Variants in MAMDC2 observed in about 807,000 individuals in gnomAD.
The protein encoded by MAMDC2 is MAM domain containing 2, also known as MAM domain-containing protein 2.
MAMDC2 carries 57 observed loss-of-function variants against 89.8 expected under a neutral mutation model. The ratio of observed to expected loss-of-function variants is 0.63; its 90% CI spans 0.51 to 0.79. The LOEUF (loss-of-function observed/expected upper bound fraction) is 0.79. Ranked by LOEUF, MAMDC2 falls within the 30% of genes least tolerant of loss-of-function variation. The pLI is 0.00. For synonymous variants in MAMDC2, 313 were observed against 293.4 expected (o/e 1.07, Z -0.68); for missense variants, 800 against 820.6 (o/e 0.97, Z 0.31).
At chr9:70,187,788 T>C (rs1017331726) in intron 11 of MAMDC2, among the ~76,000 whole-genome samples, 3 of 152,210 alleles carry the variant, frequency 2.0e-5, no homozygotes, top group Non-Finnish European at 2.9e-5. Context: ...AATTTATCAA[T>C]TGATGAACAT....
rs77553053 is a variant in MAMDC2, at chr9:70,215,844, G to A, written c.1652-2493G>A. Among the ~76,000 whole-genome samples the A allele has an allele frequency of 1.6e-4, 25 of 152,312 alleles. No homozygotes were observed. In the East Asian group the frequency reaches 4.4e-3, roughly 27 times the overall value. ...AAACACTGGGGGAAGAGGTTGCACA[G>A]TGCACACAATTTATTAAGACCAACG... On this transcript the variant is annotated intron_variant, in intron 11 of 13. Transcript: ENST00000377182.
At chr9:70,044,845 G>A in intron 2 of MAMDC2, 148 bp downstream of exon 2, 1 of 715,018 alleles carries the variant, frequency 1.4e-6, no homozygotes, top group Non-Finnish European at 2.4e-6. Context: ...GCCCTCAGCT[G>A]TGCTGCAAGG....
intron 11 of MAMDC2, among the ~76,000 whole-genome samples, chr9:70,199,895 G>A (rs1162681397): frequency 2.0e-5 from 3 of 151,808 alleles, no homozygotes; most frequent in Admixed American, 2.0e-4. Context: ...TTTTGATGGG[G>A]TTGTTTGTTC....
chr9:70,159,282 A>G lies in MAMDC2; in HGVS notation c.1405-9420A>G, dbSNP rs115929348. On this transcript the variant is annotated intron_variant, in intron 9 of 13. Transcript: ENST00000377182. The stretch of plus-strand genomic sequence containing the variant: ...AGGAAATAATCATGGTTATGCACAA[A>G]GATTTAGCTATAATCGTTCATTCCA... Among the ~76,000 whole-genome samples, 640 of 152,322 alleles carry G rather than the reference A, an allele frequency of 4.2e-3. 3 individuals carry two copies. Among genetic ancestry groups the G allele is most frequent in the African/African-American group, 0.013 (557 of 41,576 alleles).
intron 2 of MAMDC2, among the ~76,000 whole-genome samples, chr9:70,055,778 G>A (rs2118005319): frequency 6.6e-6 from 1 of 152,270 alleles, no homozygotes; most frequent in South Asian, 2.1e-4. Flanking sequence ...GCATAATCTT[G>A]GAAGAGAACT....
At chr9:70,053,657 G>A (rs958087247) in intron 2 of MAMDC2, among the ~76,000 whole-genome samples, 10 of 152,212 alleles carry the variant, frequency 6.6e-5, no homozygotes, top group African/African-American at 2.4e-4. Context: ...GAAGTATAGA[G>A]AGCAATATTT....
At chr9:70,168,654 CCA>C in intron 9 of MAMDC2, 46 bp from the exon 10 acceptor site, 1 of 1,508,146 alleles carries the variant, frequency 6.6e-7, no homozygotes, top group South Asian at 1.1e-5. Flanking sequence ...TTAGGAGTTT[CCA>C]GTTTTCAGTT....
At chr9:70,131,882 C>T (rs1289138157) in intron 7 of MAMDC2, among the ~76,000 whole-genome samples, 1 of 152,134 alleles carries the variant, frequency 6.6e-6, no homozygotes, top group Admixed American at 6.6e-5. Context: ...TTAAATAATA[C>T]TAACTTATTC....
At chr9:70,143,280 G>A (rs532348399) in intron 8 of MAMDC2, among the ~76,000 whole-genome samples, 22 of 152,342 alleles carry the variant, frequency 1.4e-4, no homozygotes, top group African/African-American at 4.8e-4. Flanking sequence ...TTCATGAAAA[G>A]TGTAAATCCT....
At chr9:70,107,855 G>A (rs985149077) in intron 2 of MAMDC2, among the ~76,000 whole-genome samples, 13 of 152,202 alleles carry the variant, frequency 8.5e-5, no homozygotes, top group African/African-American at 2.9e-4. Flanking sequence ...GGGGACCAGG[G>A]AGATGAATGC....
At chr9:70,139,107 T>G (rs915932797) in intron 7 of MAMDC2, among the ~76,000 whole-genome samples, 1 of 151,704 alleles carries the variant, frequency 6.6e-6, no homozygotes, top group Non-Finnish European at 1.5e-5. Flanking sequence ...ACAGGAAATT[T>G]CTTTTTATTT....
At chr9:70,202,340 C>G (rs1174602647) in intron 11 of MAMDC2, among the ~76,000 whole-genome samples, 2 of 152,114 alleles carry the variant, frequency 1.3e-5, no homozygotes, top group African/African-American at 4.8e-5. Context: ...GCAGGCTGTT[C>G]AGTTTCCATG....
In MAMDC2 at chr9:70,063,509, T is replaced by C. The variant is rs551700620; in HGVS notation, c.148+18812T>C. ...GCGCATAGTAGATGCTTGGGAAATA[T>C]GTATTTAATAAGTAAATAAAAGAAA... On this transcript the variant is annotated intron_variant, in intron 2 of 13. Coordinates refer to ENST00000377182, the MANE Select transcript of MAMDC2 (RefSeq NM_153267.5). Among the ~76,000 whole-genome samples the C allele has an allele frequency of 5.3e-5, 8 of 152,298 alleles. No homozygotes were observed. In the South Asian group the frequency reaches 1.2e-3, roughly 24 times the overall value.
rs529400213 is a variant in MAMDC2 at position 70,191,649 on chromosome 9, C to T, written c.1651+21018C>T. 2.0e-5 allele frequency among the ~76,000 whole-genome samples: 3 copies of T among 152,154 alleles called. No individual in the cohort carries two copies. In the South Asian group the frequency reaches 6.2e-4, roughly 32 times the overall value. On this transcript the variant is annotated intron_variant, in intron 11 of 13. Coordinates refer to ENST00000377182, the MANE Select transcript of MAMDC2 (RefSeq NM_153267.5). Reference sequence around the variant, plus strand: ...TAGAATAGAGCAAGTCACCTCAGTCCAATCAGAACTAAGCTAACCTGAGGT... The same window carrying T: ...TAGAATAGAGCAAGTCACCTCAGTCTAATCAGAACTAAGCTAACCTGAGGT...
intron 11 of MAMDC2, chr9:70,170,953 C>A (rs769353777): frequency 1.1e-5 from 3 of 277,366 alleles, no homozygotes; most frequent in Non-Finnish European, 2.0e-5. Flanking sequence ...GGAGCCAGGG[C>A]CGAGGCCTAA....
chr9:70,067,446 C>T (rs919736600), intron 2 of MAMDC2, among the ~76,000 whole-genome samples: 6 of 152,194 alleles, frequency 3.9e-5, no homozygotes, highest in Admixed American at 2.6e-4. Flanking sequence ...AGTAGATTTC[C>T]GGGCAGCTAC....
rs1353523418 is a variant in MAMDC2 at position 70,199,976 on chromosome 9, G to A, written c.1652-18361G>A. Among the ~76,000 whole-genome samples the A allele has an allele frequency of 8.5e-5, 13 of 152,252 alleles. No individual in the cohort carries two copies. The East Asian group carries it at 1.5e-3, about 18-fold the overall frequency. ...GCCTTTTGTCAGATGAGTGGGTTGC[G>A]AAAATTTTCTCCCATTTTGTAGGTT... is the stretch of plus-strand genomic sequence containing the variant. On this transcript the variant is annotated intron_variant, in intron 11 of 13. Coordinates refer to ENST00000377182, the MANE Select transcript of MAMDC2 (RefSeq NM_153267.5).
chr9:70,171,432 C>A (rs765440285), intron 11 of MAMDC2, among the ~76,000 whole-genome samples: 2 of 151,838 alleles, frequency 1.3e-5, no homozygotes, highest in Non-Finnish European at 2.9e-5. Context: ...CCCAGGAGGT[C>A]AGGGCTACAG....
intron 5 of MAMDC2, among the ~76,000 whole-genome samples, chr9:70,117,308 G>C (rs974423213): frequency 1.3e-5 from 2 of 152,174 alleles, no homozygotes; most frequent in Non-Finnish European, 2.9e-5. Flanking sequence ...AGAAGGATGA[G>C]TTCATGTCCT....
Sources: allele counts gnomAD v4.1 joint callset (sites outside exome capture counted in the v4.1 genomes callset), GRCh38; gene constraint gnomAD v4.1.1; transcripts MANE v1.5; gene names NCBI Gene and HGNC (gene_info 2026-07-23, HGNC 2026-07-21).